The following ADGRD1 variants were observed in gnomAD, a reference collection of about 807,000 sequenced individuals.
The protein encoded by ADGRD1 is G-protein coupled receptor 133.
A neutral mutation model predicts 113.4 loss-of-function variants in ADGRD1; 77 were observed. That is an observed-to-expected ratio of 0.68 (90% CI 0.57 to 0.82). The LOEUF (loss-of-function observed/expected upper bound fraction) is 0.82, where lower values mean the gene tolerates loss of function less well. Among genes scored for constraint, ADGRD1 ranks in the 40% least tolerant of loss-of-function variants. The probability of loss-of-function intolerance (pLI) is 0.00; values close to 1 mark genes in which losing one functional copy is unlikely to be tolerated. For synonymous variants in ADGRD1, 474 were observed against 475.0 expected (o/e 1.00, Z 0.03); for missense variants, 1,036 against 1,139.1 (o/e 0.91, Z 1.30).
intron 13 of ADGRD1, among the ~76,000 whole-genome samples, chr12:131,066,920 T>C (rs1342210029): frequency 2.0e-5 from 3 of 152,134 alleles, no homozygotes; most frequent in Non-Finnish European, 4.4e-5. Context: ...GGGCCTCGGC[T>C]TTCCCCTGAG....
In ADGRD1 at chr12:131,025,165, A is replaced by T. The variant is rs554469351; in HGVS notation, c.1473+10825A>T. Among the ~76,000 whole-genome samples, 767 of 152,328 alleles carry T rather than the reference A, an allele frequency of 5.0e-3. 4 individuals carry two copies. Among genetic ancestry groups the T allele is most frequent in the African/African-American group, 0.014 (578 of 41,548 alleles). On this transcript the variant is annotated intron_variant, in intron 13 of 24. Coordinates refer to ENST00000261654, the MANE Select transcript of ADGRD1 (RefSeq NM_198827.5). Reference sequence around the variant, plus strand: ...ATGGTTGGTTACTGCAGTTATTTTTAAAAAAAGAAAGTGTTTGAATAAGGA... The same window carrying T: ...ATGGTTGGTTACTGCAGTTATTTTTTAAAAAAGAAAGTGTTTGAATAAGGA...
intron 5 of ADGRD1, 124 bp from the exon 6 acceptor site, chr12:130,986,971 C>T (rs913044999): frequency 3.5e-5 from 26 of 752,544 alleles, no homozygotes; most frequent in Admixed American, 9.7e-5. Context: ...TGTATTAGGA[C>T]GCACCACAGT....
intron 8 of ADGRD1, among the ~76,000 whole-genome samples, chr12:130,997,085 C>T (rs1314661261): frequency 6.1e-5 from 7 of 114,368 alleles, no homozygotes; most frequent in Non-Finnish European, 9.3e-5. Flanking sequence ...TAGGGGCGGC[C>T]GGGCAGAGGC....
At chr12:131,002,768 A>G in intron 9 of ADGRD1, 1 of 1,253,836 alleles carries the variant, frequency 8.0e-7, no homozygotes, top group South Asian at 1.4e-5. Context: ...AGAAGGGGAC[A>G]GAGCTGCTGG....
intron 13 of ADGRD1, among the ~76,000 whole-genome samples, chr12:131,068,140 C>G (rs1007996887): frequency 3.3e-5 from 5 of 152,294 alleles, no homozygotes; most frequent in African/African-American, 1.2e-4. Flanking sequence ...CCATGGGGAC[C>G]AGGGGCTGGT....
chr12:131,139,421 C>G lies in ADGRD1; in HGVS notation c.*158C>G. 1 of 616,826 alleles carries G rather than the reference C, an allele frequency of 1.6e-6. No individual in the cohort carries two copies. The highest frequency in any genetic ancestry group is 2.8e-5 in the East Asian group (1 of 35,212). The allele number at this position is 616,826 out of a possible 1,614,324, so 38.2% of individuals were successfully genotyped here. On this transcript the variant is annotated 3_prime_UTR_variant, in exon 25 of 25. Transcript: ENST00000261654. ...TGTCCTCCCCTGTGACTCTGGCTGT[C>G]GGAGCACACTGCTCAGCCCAGCAGC...
intron 18 of ADGRD1, among the ~76,000 whole-genome samples, chr12:131,116,424 C>T (rs571797597): frequency 7.7e-5 from 11 of 143,444 alleles, no homozygotes; most frequent in African/African-American, 3.3e-4. Flanking sequence ...AGAGACAAGA[C>T]TGTCCAGGAA....
At position 131,005,981 on chromosome 12, in the gene ADGRD1, C is replaced by T. The variant is rs760275512; in HGVS notation, c.1265C>T (p.Thr422Ile). ...HEAFHRHAWSTVVGLLYHSMH... is the reference protein window; with the variant it reads ...HEAFHRHAWSIVVGLLYHSMH... The stretch of plus-strand genomic sequence containing the variant: ...TCTGCTCTCTCTGCAGCCTGGAGCA[C>T]CGTCGTGGGTCTGCTGTACCACAGC... The change falls in exon 12 of 25, where the codon ACC becomes ATC. Residue 422 changes from threonine (T) to isoleucine (I), a missense_variant. Coordinates refer to ENST00000261654, the MANE Select transcript of ADGRD1 (RefSeq NM_198827.5). The T allele has an allele frequency of 6.8e-6, 11 of 1,611,490 alleles. No individual in the cohort carries two copies. Among genetic ancestry groups the T allele is most frequent in the Middle Eastern group, 1.6e-4 (1 of 6,062 alleles).
Position 130,992,295 on chromosome 12 carries a change from T to G in ADGRD1, c.869T>G (p.Phe290Cys), listed in dbSNP as rs1273187396. ...ITNLTEERKT[F>C]QSPGVILSYL... ...AACCTGACAGAAGAGAGAAAAACCT[T>G]CCAAAGTCCCGGAGTGATACTGAGT... The change falls in exon 8 of 25, where the codon TTC (phenylalanine) becomes TGC (cysteine). Residue 290 changes from phenylalanine (F) to cysteine (C), a missense_variant. Phe to Cys is a radical substitution (Grantham distance 205). Coordinates refer to ENST00000261654, the MANE Select transcript of ADGRD1 (RefSeq NM_198827.5). 9 of 1,613,444 alleles carry G rather than the reference T, an allele frequency of 5.6e-6. No individual in the cohort carries two copies. Among genetic ancestry groups the G allele is most frequent in the Admixed American group, 1.7e-5 (1 of 59,996 alleles).
intron 18 of ADGRD1, among the ~76,000 whole-genome samples, chr12:131,114,965 C>A (rs960924312): frequency 8.5e-5 from 13 of 152,158 alleles, no homozygotes; most frequent in African/African-American, 2.9e-4. Context: ...TTCTTTATTG[C>A]AACTTAGTTT....
chr12:131,064,518 A>G (rs990018138), intron 13 of ADGRD1, among the ~76,000 whole-genome samples: 2 of 152,352 alleles, frequency 1.3e-5, no homozygotes, highest in East Asian at 1.9e-4. Context: ...CTATATTTAT[A>G]TAGTGCATTT....
intron 8 of ADGRD1, among the ~76,000 whole-genome samples, chr12:130,997,412 CGGCTGCCGGGCGG>C (rs1875698878): frequency 3.9e-5 from 3 of 77,046 alleles, no homozygotes; most frequent in South Asian, 3.5e-4. Flanking sequence ...TCAGACGGGG[CGGCTGCCGGGCGG>C]AGGGGCTCCT....
Position 131,139,245 on chromosome 12 carries a change from C to T in ADGRD1, c.2607C>T (p.Val869=), listed in dbSNP as rs540751477. The T allele has an allele frequency of 5.6e-6, 9 of 1,612,710 alleles. No homozygotes were observed. The highest frequency in any genetic ancestry group is 1.7e-4 in the Middle Eastern group (1 of 6,058). The change falls in exon 25 of 25, where the codon GTC becomes GTT. Residue 869 remains valine (V), a synonymous_variant. Transcript: ENST00000261654. ...AGAGCAGCCACTCTGCCCACCGCGT[C>T]GACCTGTCAGCCGTGTGAGCCGGGA... ...WDKSSHSAHR[V]DLSAV is the part of the protein sequence containing the mutation.
At chr12:130,996,400 G>C (rs1314051450) in intron 8 of ADGRD1, among the ~76,000 whole-genome samples, 6 of 108,848 alleles carry the variant, frequency 5.5e-5, no homozygotes, top group African/African-American at 1.7e-4. Flanking sequence ...CTGGCCGGGC[G>C]GGGGGCTGAC....
In ADGRD1 at chr12:130,954,573, C is replaced by T; in HGVS notation, c.66+42C>T. On this transcript the variant is annotated intron_variant, in intron 1 of 24. Coordinates refer to ENST00000261654, the MANE Select transcript of ADGRD1 (RefSeq NM_198827.5). This position sits in a 1 kb window ranked among gnomAD's most constrained non-coding sequence, Gnocchi z 4.7. ...GCCAGGATGGCGACAGGCTTGGTTT[C>T]TCCGGAGGCTTTCCCTGAGTGTGTC... 6.2e-7 allele frequency: 1 copy of T among 1,613,900 alleles called. No homozygotes were observed. The highest frequency in any genetic ancestry group is 1.1e-5 in the South Asian group (1 of 91,050).
intron 4 of ADGRD1, among the ~76,000 whole-genome samples, chr12:130,976,573 G>T (rs1273483971): frequency 6.6e-6 from 1 of 152,194 alleles, no homozygotes. Context: ...GACTATACGT[G>T]CTTGGTTTGG....
intron 15 of ADGRD1, among the ~76,000 whole-genome samples, chr12:131,097,001 C>T (rs944803385): frequency 2.0e-5 from 3 of 152,212 alleles, no homozygotes; most frequent in Non-Finnish European, 4.4e-5. Context: ...CACGCCTCTG[C>T]TGTGGCTGCA....
intron 20 of ADGRD1, among the ~76,000 whole-genome samples, chr12:131,121,131 G>C (rs1234362150): frequency 6.6e-6 from 1 of 152,168 alleles, no homozygotes; most frequent in Non-Finnish European, 1.5e-5. Context: ...GGGTCCACTC[G>C]AGGCCCCAGG....
intron 13 of ADGRD1, among the ~76,000 whole-genome samples, chr12:131,047,104 G>C (rs1192385375): frequency 6.6e-6 from 1 of 151,890 alleles, no homozygotes; most frequent in Non-Finnish European, 1.5e-5. Context: ...CCTGGTCACT[G>C]CTCCCTCTTT....
Sources: gnomAD v4.1 joint callset for allele counts (sites outside exome capture counted in the v4.1 genomes callset) on GRCh38, gnomAD v4.1.1 for gene constraint, Gnocchi (gnomAD v3.1) non-coding constraint, MANE v1.5 for transcripts, NCBI Gene and HGNC (gene_info 2026-07-23, HGNC 2026-07-21) for gene names.